ECD: variants seen among roughly 807,000 people sequenced by gnomAD.
ECD encodes ecdysoneless cell cycle regulator.
A neutral mutation model predicts 77.2 loss-of-function variants in ECD; 59 were observed. That is an observed-to-expected ratio of 0.76 (90% CI 0.62 to 0.95). The LOEUF is 0.95. ECD is among the 40% of genes least tolerant of loss of function. The pLI is 0.00. For synonymous variants in ECD, 233 were observed against 267.4 expected (o/e 0.87, Z 1.26); for missense variants, 704 against 763.4 (o/e 0.92, Z 0.92).
chr10:73,164,626 C>T (rs891526787), intron 1 of ECD, among the ~76,000 whole-genome samples: 2 of 151,882 alleles, frequency 1.3e-5, no homozygotes, highest in African/African-American at 4.8e-5. Flanking sequence ...TGCCACCATG[C>T]CCAGCTAACT....
At chr10:73,155,072 C>T (rs375416291) in intron 5 of ECD, among the ~76,000 whole-genome samples, 9 of 152,142 alleles carry the variant, frequency 5.9e-5, no homozygotes, top group South Asian at 2.1e-4. Flanking sequence ...ATTTTTGAGA[C>T]GGAGTCTCGC....
At chr10:73,149,784 G>A (rs1416342728) in intron 7 of ECD, among the ~76,000 whole-genome samples, 2 of 152,108 alleles carry the variant, frequency 1.3e-5, no homozygotes, top group East Asian at 3.9e-4. Context: ...TTCTCCTAAG[G>A]GATACAATCA....
intron 3 of ECD, among the ~76,000 whole-genome samples, chr10:73,160,211 G>A (rs560450483): frequency 1.1e-4 from 16 of 151,436 alleles, no homozygotes; most frequent in African/African-American, 2.9e-4. Context: ...GCTTGAACCC[G>A]GAAGGTGAAG....
In ECD at chr10:73,161,293, A is replaced by T. The variant is rs117456037; in HGVS notation, c.206-742T>A. On this transcript the variant is annotated intron_variant, in intron 2 of 13. Transcript: ENST00000372979. Reference sequence around the variant, plus strand: ...AAAACAGCTGAGTTGGGTTTTTTTTAAAAGATTGACAAACTATTAACTTGA... The same window carrying T: ...AAAACAGCTGAGTTGGGTTTTTTTTTAAAGATTGACAAACTATTAACTTGA... Among the ~76,000 whole-genome samples the T allele has an allele frequency of 8.5e-5, 13 of 152,120 alleles. No homozygotes were observed. In the East Asian group the frequency reaches 2.5e-3, roughly 29 times the overall value.
chr10:73,149,154 A>G (rs1487648527), intron 7 of ECD, among the ~76,000 whole-genome samples: 1 of 152,220 alleles, frequency 6.6e-6, no homozygotes, highest in Non-Finnish European at 1.5e-5. Context: ...TGGACATTTA[A>G]GTAGTTTCCA....
rs1589116510 is a variant in ECD at position 73,148,392 on chromosome 10, C to G, written c.925G>C (p.Glu309Gln). 6.2e-7 allele frequency: 1 copy of G among 1,613,732 alleles called. No individual in the cohort carries two copies. Among genetic ancestry groups the G allele is most frequent in the East Asian group, 2.2e-5 (1 of 44,836 alleles). The change falls in exon 8 of 14, where the codon GAG becomes CAG. Residue 309 changes from glutamate to glutamine, a missense_variant. By Grantham distance (29) the Glu-to-Gln change is conservative. This residue lies in a region of ECD where 559 missense variants were observed against 583.7 expected (regional missense o/e 0.96). Coordinates refer to ENST00000372979, the MANE Select transcript of ECD (RefSeq NM_007265.3). ...GGGCTACATTTGGAGCATAAGATCT[C>G]AAATCCATGAGCCTAGATGAGATAG... is the stretch of plus-strand genomic sequence containing the variant. ...ELGMKLAHGF[E>Q]ILCSKCSPHF...
Position 73,154,403 on chromosome 10 carries a change from G to T in ECD, c.636C>A (p.Phe212Leu). Residue 212 changes from phenylalanine (F) to leucine (L), a missense_variant, in exon 6 of 14, where the codon TTC (phenylalanine) becomes TTA (leucine). This residue lies in a region of ECD where 559 missense variants were observed against 583.7 expected (regional missense o/e 0.96). Coordinates refer to ENST00000372979, the MANE Select transcript of ECD (RefSeq NM_007265.3). Reference protein sequence around the residue: ...IQASLHRAHCFLPAGIVAVLK... With the variant: ...IQASLHRAHCLLPAGIVAVLK... Reference sequence around the variant, plus strand: ...GCACTGCCACAATGCCAGCTGGAAGGAAGCAGTGTGCTCGATGAAGTGAGG... The same window carrying T: ...GCACTGCCACAATGCCAGCTGGAAGTAAGCAGTGTGCTCGATGAAGTGAGG... The T allele has an allele frequency of 6.2e-7, 1 of 1,613,570 alleles. No individual in the cohort carries two copies. Among genetic ancestry groups the T allele is most frequent in the Non-Finnish European group, 8.5e-7 (1 of 1,179,866 alleles).
At chr10:73,161,512 C>T (rs1445708264) in intron 2 of ECD, among the ~76,000 whole-genome samples, 2 of 152,034 alleles carry the variant, frequency 1.3e-5, no homozygotes, top group Admixed American at 6.5e-5. Context: ...ATGAGAAATA[C>T]AAAAATCTGA....
intron 9 of ECD, among the ~76,000 whole-genome samples, chr10:73,140,383 T>C (rs1163511703): frequency 6.6e-6 from 1 of 151,824 alleles, no homozygotes; most frequent in Non-Finnish European, 1.5e-5. Flanking sequence ...CAAAGAAAAA[T>C]GGCCTTCATT....
At position 73,133,990 on chromosome 10, in the gene ECD, T is replaced by G. The variant is rs1842949896; in HGVS notation, c.*593A>C. On this transcript the variant is annotated 3_prime_UTR_variant, in exon 14 of 14. Coordinates refer to ENST00000372979, the MANE Select transcript of ECD (RefSeq NM_007265.3). The stretch of plus-strand genomic sequence containing the variant: ...AGATGGTAGGGATGGTTGCACAATT[T>G]TGTAAATATACTAAAAACCACTGAA... The G allele has an allele frequency of 6.6e-6, 1 of 152,406 alleles. No homozygotes were observed. The highest frequency in any genetic ancestry group is 1.9e-4 in the East Asian group (1 of 5,190). 9.4% of individuals were successfully genotyped at this position (152,406 alleles called of 1,614,324 possible).
At position 73,146,325 on chromosome 10, in the gene ECD, G is replaced by C; in HGVS notation, c.1078C>G (p.Leu360Val). 1.2e-6 allele frequency: 2 copies of C among 1,609,922 alleles called. No individual in the cohort carries two copies. The highest frequency in any genetic ancestry group is 1.7e-6 in the Non-Finnish European group (2 of 1,177,746). ...IEGSAQYRER[L>V]EMAENYFQLS... is the part of the protein sequence containing the mutation. The stretch of plus-strand genomic sequence containing the variant: ...TGGAAGTAATTCTCTGCCATTTCTA[G>C]CCTTTCCCGGTACTGAGCAGAACCT... Residue 360 changes from leucine to valine, a missense_variant, in exon 9 of 14, where the codon CTA becomes GTA. Coordinates refer to ENST00000372979, the MANE Select transcript of ECD (RefSeq NM_007265.3).
chr10:73,160,541 A>G lies in ECD; in HGVS notation c.216T>C (p.Pro72=), dbSNP rs1264920724. Residue 72 remains proline, a synonymous_variant, in exon 3 of 14, where the codon CCT becomes CCC. Transcript: ENST00000372979. ...ACTTTGTCACGCCAAACATATGAGCAGGAACACCTCCTAAAAACAAGAGAA... is the reference window on the plus strand; with the variant it reads ...ACTTTGTCACGCCAAACATATGAGCGGGAACACCTCCTAAAAACAAGAGAA... The part of the protein sequence containing the change: ...LKYKPGKGGV[P]AHMFGVTKFG... 8.7e-6 allele frequency: 14 copies of G among 1,602,270 alleles called. No homozygotes were observed. In the East Asian group the frequency reaches 2.0e-4, roughly 23 times the overall value.
At position 73,134,113 on chromosome 10, in the gene ECD, A is replaced by G. The variant is rs1342028943; in HGVS notation, c.*470T>C. 1 of 157,752 alleles carries G rather than the reference A, an allele frequency of 6.3e-6. No individual in the cohort carries two copies. The highest frequency in any genetic ancestry group is 1.8e-4 in the East Asian group (1 of 5,482). The allele number at this position is 157,752 out of a possible 1,614,324, so 9.8% of individuals were successfully genotyped here. A position where few individuals can be genotyped will look rare whatever the true frequency, so the allele number is the denominator to read the frequency against. ...TCTATATCTTGCTTCAGGTACATAC[A>G]TACATGCAAAAATTCACTGACTGTA... On this transcript the variant is annotated 3_prime_UTR_variant, in exon 14 of 14. Coordinates refer to ENST00000372979, the MANE Select transcript of ECD (RefSeq NM_007265.3).
intron 6 of ECD, among the ~76,000 whole-genome samples, chr10:73,153,776 A>G (rs911395181): frequency 1.3e-5 from 2 of 151,400 alleles, no homozygotes; most frequent in African/African-American, 4.9e-5. Context: ...ATAGAAACAT[A>G]TGGTCAAAAA....
At chr10:73,145,328 G>A (rs899850360) in intron 9 of ECD, among the ~76,000 whole-genome samples, 1 of 151,870 alleles carries the variant, frequency 6.6e-6, no homozygotes, top group South Asian at 2.1e-4. Context: ...GTGACTAAGC[G>A]AGTCTCTGTC....
intron 9 of ECD, among the ~76,000 whole-genome samples, chr10:73,143,201 C>T (rs1237751585): frequency 6.6e-6 from 1 of 152,212 alleles, no homozygotes; most frequent in East Asian, 1.9e-4. Flanking sequence ...CGGAGTCTTG[C>T]TCTGTCACCT....
At chr10:73,145,907 T>G (rs1382240237) in intron 9 of ECD, among the ~76,000 whole-genome samples, 2 of 152,022 alleles carry the variant, frequency 1.3e-5, no homozygotes, top group Non-Finnish European at 2.9e-5. Context: ...CCTCCCAAAG[T>G]GCTGGGATTA....
At chr10:73,143,049 T>C (rs1467348742) in intron 9 of ECD, among the ~76,000 whole-genome samples, 3 of 152,232 alleles carry the variant, frequency 2.0e-5, no homozygotes, top group Non-Finnish European at 4.4e-5. Flanking sequence ...GTAAGCTCTA[T>C]AAGGACAAGG....
intron 9 of ECD, among the ~76,000 whole-genome samples, chr10:73,142,498 A>T (rs1044240908): frequency 6.6e-6 from 1 of 151,740 alleles, no homozygotes; most frequent in African/African-American, 2.4e-5. Context: ...GCCAGGTATG[A>T]TGGCACGCGC....
Sources: gnomAD v4.1 joint callset for allele counts (sites outside exome capture counted in the v4.1 genomes callset) on GRCh38, gnomAD v4.1.1 for gene constraint, gnomAD v4.1.1 regional missense constraint, MANE v1.5 for transcripts, NCBI Gene and HGNC (gene_info 2026-07-23, HGNC 2026-07-21) for gene names.